IL1RAPL1: variants seen among roughly 807,000 people sequenced by gnomAD.
The protein encoded by IL1RAPL1 is interleukin 1 receptor accessory protein like 1.
In IL1RAPL1, 3 loss-of-function variants were observed where a neutral mutation model predicts 48.4. That is an observed-to-expected ratio of 0.06 (90% confidence interval 0.03 to 0.16). The LOEUF (loss-of-function observed/expected upper bound fraction) is 0.16, where lower values mean the gene tolerates loss of function less well. IL1RAPL1 is among the 10% of genes least tolerant of loss of function. The pLI, the probability that IL1RAPL1 is intolerant of heterozygous loss-of-function variation, is 1.00. For synonymous variants in IL1RAPL1, 185 were observed against 187.7 expected, an observed-to-expected ratio of 0.99 and a Z score of 0.12; for missense variants, 349 against 530.6, an observed-to-expected ratio of 0.66 and a Z score of 3.36.
At position 29,908,794 on chromosome X, in the gene IL1RAPL1, A is replaced by G. The variant is rs780022037; in HGVS notation, c.779-8670A>G. On this transcript the variant is annotated intron_variant, in intron 6 of 10. Transcript: ENST00000378993. Reference sequence around the variant, plus strand: ...AAAAGTCAAAATATAGGGCTTTTTAATTGGTTAAGTATGCAATCAGGTTAT... The same window carrying G: ...AAAAGTCAAAATATAGGGCTTTTTAGTTGGTTAAGTATGCAATCAGGTTAT... 4.1e-3 allele frequency among the ~76,000 whole-genome samples: 463 copies of G among 112,185 alleles called. 3 individuals are homozygous for G. Among genetic ancestry groups the G allele is most frequent in the Non-Finnish European group, 7.4e-3 (396 of 53,185 alleles).
At chrX:29,391,340 A>G (rs1569301139) in intron 3 of IL1RAPL1, among the ~76,000 whole-genome samples, 1 of 112,047 alleles carries the variant, frequency 8.9e-6, no homozygotes, top group Admixed American at 9.5e-5. Context: ...TTTTTGTGTC[A>G]TATATCGATT....
At chrX:29,269,891 A>T (rs1312148014) in intron 2 of IL1RAPL1, among the ~76,000 whole-genome samples, 6 of 111,237 alleles carry the variant, frequency 5.4e-5, no homozygotes, top group Non-Finnish European at 1.1e-4. Flanking sequence ...CCATCACACT[A>T]AAAGTTTCCT....
intron 5 of IL1RAPL1, among the ~76,000 whole-genome samples, chrX:29,427,954 T>G (rs1464930334): frequency 8.9e-6 from 1 of 111,964 alleles, no homozygotes; most frequent in African/African-American, 3.2e-5. Flanking sequence ...AAATTTAAAC[T>G]GTAAACTAAA....
intron 1 of IL1RAPL1, among the ~76,000 whole-genome samples, chrX:28,774,399 C>T (rs1210734265): frequency 1.8e-5 from 2 of 111,571 alleles, no homozygotes; most frequent in African/African-American, 6.5e-5. Context: ...CTCAGGATCT[C>T]TAACAAGGCT....
At chrX:29,680,056 G>A in intron 6 of IL1RAPL1, among the ~76,000 whole-genome samples, 1 of 111,759 alleles carries the variant, frequency 8.9e-6, no homozygotes, top group Non-Finnish European at 1.9e-5. Context: ...TTAATTTGGG[G>A]ATTTTTTTTT....
In IL1RAPL1 at chrX:29,248,238, A is replaced by C. The variant is rs573538774; in HGVS notation, c.83-34700A>C. On this transcript the variant is annotated intron_variant, in intron 2 of 10. Transcript: ENST00000378993. Reference sequence around the variant, plus strand: ...TGAGACCAGCCTGGCCAACATAGCGAAACCCCCTCCCTACTAAAAATATAA... The same window carrying C: ...TGAGACCAGCCTGGCCAACATAGCGCAACCCCCTCCCTACTAAAAATATAA... Among the ~76,000 whole-genome samples, 46 of 111,253 alleles carry C rather than the reference A, an allele frequency of 4.1e-4. No individual in the cohort carries two copies. The South Asian group carries it at 0.018, about 43-fold the overall frequency.
chrX:28,902,569 A>G (rs1341304475), intron 2 of IL1RAPL1, among the ~76,000 whole-genome samples: 2 of 111,599 alleles, frequency 1.8e-5, no homozygotes. Flanking sequence ...ACTTTCTACT[A>G]CTGTCTTTTC....
chrX:28,616,119 A>G (rs1034311857), intron 1 of IL1RAPL1, among the ~76,000 whole-genome samples: 1 of 112,332 alleles, frequency 8.9e-6, no homozygotes, highest in African/African-American at 3.2e-5. Flanking sequence ...TGTAGTTCAA[A>G]ATGGTTGATT....
At chrX:28,614,708 TGATAA>T (rs1303102090) in intron 1 of IL1RAPL1, among the ~76,000 whole-genome samples, 1 of 110,927 alleles carries the variant, frequency 9.0e-6, no homozygotes, top group African/African-American at 3.3e-5. Context: ...AACAAATCTG[TGATAA>T]GATAGGAATT....
chrX:29,294,079 G>T (rs1014364086), intron 3 of IL1RAPL1, among the ~76,000 whole-genome samples: 4 of 110,291 alleles, frequency 3.6e-5, no homozygotes, highest in East Asian at 2.8e-4. Flanking sequence ...ATGGAATGTA[G>T]AGAAGACAAA....
chrX:28,854,265 G>A (rs771108983), intron 2 of IL1RAPL1, among the ~76,000 whole-genome samples: 3 of 111,660 alleles, frequency 2.7e-5, no homozygotes, highest in Non-Finnish European at 5.6e-5. Flanking sequence ...TCAGGTGAGA[G>A]AAAATGAGTA....
chrX:29,001,380 T>A (rs1431261305), intron 2 of IL1RAPL1, among the ~76,000 whole-genome samples: 1 of 111,929 alleles, frequency 8.9e-6, no homozygotes, highest in Non-Finnish European at 1.9e-5. Flanking sequence ...AATTACTGCA[T>A]AATTACACAA....
intron 3 of IL1RAPL1, among the ~76,000 whole-genome samples, chrX:29,337,600 A>G (rs777342943): frequency 1.8e-5 from 2 of 111,886 alleles, no homozygotes; most frequent in East Asian, 5.6e-4. Context: ...ATAATGATAT[A>G]TGAATTACAA....
chrX:28,633,766 T>C (rs1389040899), intron 1 of IL1RAPL1, among the ~76,000 whole-genome samples: 1 of 112,361 alleles, frequency 8.9e-6, no homozygotes, highest in African/African-American at 3.2e-5. Context: ...CCAACTGTAT[T>C]GAACATTTAT....
At chrX:29,511,609 T>G (rs1935394086) in intron 5 of IL1RAPL1, among the ~76,000 whole-genome samples, 1 of 112,079 alleles carries the variant, frequency 8.9e-6, no homozygotes, top group Admixed American at 9.5e-5. Context: ...AGGATCCACA[T>G]GTAGAATACA....
chrX:29,460,537 C>G (rs1028101383), intron 5 of IL1RAPL1, among the ~76,000 whole-genome samples: 1 of 112,337 alleles, frequency 8.9e-6, no homozygotes, highest in Non-Finnish European at 1.9e-5. Flanking sequence ...GGCCTGAATA[C>G]TGAGATTTGC....
At chrX:29,514,294 GTCT>G (rs957962920) in intron 5 of IL1RAPL1, among the ~76,000 whole-genome samples, 2 of 111,932 alleles carry the variant, frequency 1.8e-5, no homozygotes, top group African/African-American at 6.5e-5. Context: ...TAAAATAAAT[GTCT>G]TCAAGATTTT....
intron 6 of IL1RAPL1, among the ~76,000 whole-genome samples, chrX:29,753,618 G>T (rs961703714): frequency 9.0e-6 from 1 of 111,357 alleles, no homozygotes. Flanking sequence ...TCTGCATGGT[G>T]TAAGGATGAT....
chrX:28,814,341 T>TTGTGTGTGTGTGTGTG (rs753090480), intron 2 of IL1RAPL1, among the ~76,000 whole-genome samples: 1 of 89,748 alleles, frequency 1.1e-5, no homozygotes, highest in Non-Finnish European at 2.2e-5. Context: ...ATTTTCAGGT[T>TTGTGTGTGTGTGTGTG]TGTGTGTGTG....
Sources: gnomAD v4.1 joint callset for allele counts (sites outside exome capture counted in the v4.1 genomes callset) on GRCh38, gnomAD v4.1.1 for gene constraint, MANE v1.5 for transcripts, NCBI Gene and HGNC (gene_info 2026-07-23, HGNC 2026-07-21) for gene names.